The following KCNMB2 variants were observed in gnomAD, a reference collection of about 807,000 sequenced individuals.
KCNMB2 encodes potassium calcium-activated channel subfamily M regulatory beta subunit 2, also known as calcium-activated potassium channel subunit beta-2.
KCNMB2 carries 9 observed loss-of-function variants against 24.5 expected under a neutral mutation model. The ratio of observed to expected loss-of-function variants is 0.37; its 90% CI spans 0.22 to 0.64. The LOEUF (loss-of-function observed/expected upper bound fraction) is 0.64. Among genes scored for constraint, KCNMB2 ranks in the 30% least tolerant of loss-of-function variants. KCNMB2 has a pLI of 0.63. For synonymous variants in KCNMB2, 109 were observed against 104.4 expected, an observed-to-expected ratio of 1.04 and a Z score of -0.27; for missense variants, 226 against 284.3, an observed-to-expected ratio of 0.79 and a Z score of 1.47.
chr3:178,573,621 T>C (rs908366150), intron 1 of KCNMB2, among the ~76,000 whole-genome samples: 2 of 148,952 alleles, frequency 1.3e-5, no homozygotes, highest in Non-Finnish European at 3.0e-5. Context: ...TGGTGGTGCA[T>C]GCCTCAACTC....
At position 178,843,052 on chromosome 3, in the gene KCNMB2, TC is replaced by T; in HGVS notation, c.*116del. 7 of 808,972 alleles carry T rather than the reference TC, an allele frequency of 8.7e-6. No individual in the cohort carries two copies. Among genetic ancestry groups the T allele is most frequent in the Non-Finnish European group, 1.4e-5 (7 of 507,948 alleles). The allele number at this position is 808,972 out of a possible 1,614,324, so 50.1% of individuals were successfully genotyped here. On this transcript the variant is annotated 3_prime_UTR_variant, in exon 5 of 5. Coordinates refer to ENST00000452583, the MANE Select transcript of KCNMB2 (RefSeq NM_181361.3). ...GTCTGTTATGAGTTCCCTAATATATTCTTATATGTAGAGCAATAATGCAAAA... is the reference window on the plus strand; with the variant it reads ...GTCTGTTATGAGTTCCCTAATATATTTTATATGTAGAGCAATAATGCAAAA...
intron 1 of KCNMB2, among the ~76,000 whole-genome samples, chr3:178,790,760 G>T (rs1273469530): frequency 6.6e-6 from 1 of 152,228 alleles, no homozygotes; most frequent in African/African-American, 2.4e-5. Context: ...TCGGCACAAA[G>T]AGAGACACTT....
intron 1 of KCNMB2, among the ~76,000 whole-genome samples, chr3:178,557,348 G>T (rs901838362): frequency 6.6e-5 from 10 of 152,104 alleles, no homozygotes; most frequent in Non-Finnish European, 1.5e-4. Flanking sequence ...GTACCGGGGT[G>T]GCGGAGTAAG....
rs150425914 is a variant in KCNMB2, at chr3:178,676,753, G to A, written c.-67-130590G>A. 5.0e-3 allele frequency among the ~76,000 whole-genome samples: 746 copies of A among 150,194 alleles called. 4 individuals carry two copies. The highest frequency in any genetic ancestry group is 0.018 in the African/African-American group (703 of 39,608). On this transcript the variant is annotated intron_variant, in intron 1 of 4. Transcript: ENST00000452583. ...TTTAGGTAGCAGAGTCAATATACTT[G>A]CATGCTACACAACTTTCTCATGTTT... is the stretch of plus-strand genomic sequence containing the variant.
chr3:178,575,298 T>A (rs887024804), intron 1 of KCNMB2, among the ~76,000 whole-genome samples: 3 of 152,018 alleles, frequency 2.0e-5, no homozygotes, highest in African/African-American at 7.3e-5. Context: ...GTGAGTTGGG[T>A]TCTGGGGTAG....
chr3:178,838,572 A>C (rs114300609), intron 4 of KCNMB2, among the ~76,000 whole-genome samples: 83,819 of 147,326 alleles, frequency 0.57, 24,921 homozygotes, highest in African/African-American at 0.78. Context: ...CAGCTCAGCA[A>C]AAAAAAAAAA....
intron 1 of KCNMB2, among the ~76,000 whole-genome samples, chr3:178,605,057 C>A (rs753525981): frequency 1.3e-5 from 2 of 152,118 alleles, no homozygotes; most frequent in Non-Finnish European, 2.9e-5. Context: ...GGCCTAAGGT[C>A]AAGTAGTTTT....
At chr3:178,812,661 T>C (rs1714242181) in intron 2 of KCNMB2, among the ~76,000 whole-genome samples, 1 of 152,144 alleles carries the variant, frequency 6.6e-6, no homozygotes, top group African/African-American at 2.4e-5. Context: ...CCAGTTTTTA[T>C]ATGGATAACC....
At chr3:178,608,687 C>T (rs1214071887) in intron 1 of KCNMB2, among the ~76,000 whole-genome samples, 1 of 152,118 alleles carries the variant, frequency 6.6e-6, no homozygotes, top group Non-Finnish European at 1.5e-5. Flanking sequence ...CTTCCCAGCT[C>T]CTGGGAACCA....
intron 1 of KCNMB2, among the ~76,000 whole-genome samples, chr3:178,552,913 G>A (rs1202146975): frequency 6.6e-6 from 1 of 152,130 alleles, no homozygotes; most frequent in Non-Finnish European, 1.5e-5. Flanking sequence ...GCTAACTAGT[G>A]CAGAGTTTGA....
chr3:178,639,123 G>T (rs1025574933), intron 1 of KCNMB2, among the ~76,000 whole-genome samples: 1 of 151,966 alleles, frequency 6.6e-6, no homozygotes, highest in African/African-American at 2.4e-5. Flanking sequence ...AATATTGTTT[G>T]CTGCTTATGA....
At position 178,707,935 on chromosome 3, in the gene KCNMB2, G is replaced by A. The variant is rs529447182; in HGVS notation, c.-67-99408G>A. 1.3e-3 allele frequency among the ~76,000 whole-genome samples: 192 copies of A among 152,146 alleles called. 4 individuals carry two copies. Among genetic ancestry groups the A allele is most frequent in the African/African-American group, 4.3e-3 (179 of 41,518 alleles). ...GCAATTGCTCAAACTTTAACCAATCGAATAATTTATTTGCTCTACTTCCAC... is the reference window on the plus strand; with the variant it reads ...GCAATTGCTCAAACTTTAACCAATCAAATAATTTATTTGCTCTACTTCCAC... On this transcript the variant is annotated intron_variant, in intron 1 of 4. Coordinates refer to ENST00000452583, the MANE Select transcript of KCNMB2 (RefSeq NM_181361.3).
intron 1 of KCNMB2, among the ~76,000 whole-genome samples, chr3:178,538,319 T>C (rs567428255): frequency 3.2e-4 from 48 of 152,348 alleles, no homozygotes; most frequent in Non-Finnish European, 6.0e-4. Context: ...GCTTCTATGT[T>C]ACCAGTGAAA....
At chr3:178,580,850 G>T (rs1717172087) in intron 1 of KCNMB2, among the ~76,000 whole-genome samples, 1 of 152,126 alleles carries the variant, frequency 6.6e-6, no homozygotes, top group East Asian at 1.9e-4. Context: ...ACAAAGCACT[G>T]CTCAAGGAAA....
chr3:178,691,105 G>GTATTTTT (rs1310077931), intron 1 of KCNMB2, among the ~76,000 whole-genome samples: 5 of 32,960 alleles, frequency 1.5e-4, no homozygotes, highest in African/African-American at 1.2e-3. Context: ...TCCCCATTAA[G>GTATTTTT]TCTTTTTTTT....
At chr3:178,727,497 A>G (rs1335936851) in intron 1 of KCNMB2, among the ~76,000 whole-genome samples, 1 of 152,114 alleles carries the variant, frequency 6.6e-6, no homozygotes, top group East Asian at 1.9e-4. Flanking sequence ...GAGATTTGGA[A>G]ATTATCTTGT....
At chr3:178,555,366 T>G (rs1716088499) in intron 1 of KCNMB2, among the ~76,000 whole-genome samples, 1 of 152,230 alleles carries the variant, frequency 6.6e-6, no homozygotes, top group Non-Finnish European at 1.5e-5. Flanking sequence ...CTTTCACACC[T>G]GGGATTTGGA....
chr3:178,600,376 G>C (rs1346047751), intron 1 of KCNMB2, among the ~76,000 whole-genome samples: 1 of 152,136 alleles, frequency 6.6e-6, no homozygotes, highest in Non-Finnish European at 1.5e-5. Context: ...CTACGAACAT[G>C]CGTGTGCAAA....
chr3:178,670,053 C>T (rs1321960215), intron 1 of KCNMB2, among the ~76,000 whole-genome samples: 1 of 152,114 alleles, frequency 6.6e-6, no homozygotes, highest in Non-Finnish European at 1.5e-5. Flanking sequence ...CGAAGTTGAG[C>T]TTTCTCAGTG....
Sources: allele counts gnomAD v4.1 joint callset (sites outside exome capture counted in the v4.1 genomes callset), GRCh38; gene constraint gnomAD v4.1.1; transcripts MANE v1.5; gene names NCBI Gene and HGNC (gene_info 2026-07-23, HGNC 2026-07-21).